GRIK4: variants seen among roughly 807,000 people sequenced by gnomAD.
The protein encoded by GRIK4 is glutamate receptor ionotropic, kainate 4.
A neutral mutation model predicts 104.9 loss-of-function variants in GRIK4; 40 were observed. The observed-to-expected ratio is 0.38, with a 90% confidence interval of 0.30 to 0.50. The LOEUF is 0.50. Ranked by LOEUF, GRIK4 falls within the 20% of genes least tolerant of loss-of-function variation. GRIK4 has a pLI of 0.93. For missense variants in GRIK4, 1,047 were observed against 1,308.1 expected (o/e 0.80, Z 3.08); for synonymous variants, 485 against 524.9 (o/e 0.92, Z 1.04).
chr11:120,533,517 A>G (rs1435893242), intron 1 of GRIK4, among the ~76,000 whole-genome samples: 1 of 152,188 alleles, frequency 6.6e-6, no homozygotes, highest in African/African-American at 2.4e-5. Context: ...CAAGGATGTT[A>G]CACCAGGGTT....
chr11:120,670,534 G>T (rs1208743650), intron 3 of GRIK4, among the ~76,000 whole-genome samples: 1 of 152,172 alleles, frequency 6.6e-6, no homozygotes, highest in Non-Finnish European at 1.5e-5. Flanking sequence ...CACCAAGTGT[G>T]CTCCTGCCCC....
intron 3 of GRIK4, among the ~76,000 whole-genome samples, chr11:120,696,788 G>C (rs571533521): frequency 1.4e-3 from 209 of 152,198 alleles, no homozygotes; most frequent in African/African-American, 4.6e-3. Context: ...ATTGCCAATG[G>C]GAGCGCCCCC....
intron 3 of GRIK4, among the ~76,000 whole-genome samples, chr11:120,680,391 T>C (rs10892609): frequency 0.46 from 69,758 of 152,078 alleles, 16,378 homozygotes; most frequent in East Asian, 0.55. Flanking sequence ...CCCGATGGCC[T>C]TTTCTATCTC....
At chr11:120,520,328 C>T (rs952312833) in intron 1 of GRIK4, among the ~76,000 whole-genome samples, 16 of 152,234 alleles carry the variant, frequency 1.1e-4, no homozygotes, top group African/African-American at 3.4e-4. Flanking sequence ...TGAGTGGTGG[C>T]GCCTCTATGC....
intron 19 of GRIK4, among the ~76,000 whole-genome samples, chr11:120,976,795 G>A (rs1944567693): frequency 7.2e-5 from 11 of 152,154 alleles, no homozygotes; most frequent in Admixed American, 5.2e-4. Context: ...TGGCTTTTGT[G>A]GCCTCTGCCT....
At chr11:120,566,782 C>G (rs907139128) in intron 1 of GRIK4, among the ~76,000 whole-genome samples, 2 of 149,938 alleles carry the variant, frequency 1.3e-5, no homozygotes, top group Non-Finnish European at 3.0e-5. Context: ...TGGCTCACTG[C>G]AAGCTCCACC....
intron 19 of GRIK4, among the ~76,000 whole-genome samples, chr11:120,981,340 T>A (rs1944648860): frequency 6.6e-6 from 1 of 152,222 alleles, no homozygotes; most frequent in African/African-American, 2.4e-5. Flanking sequence ...CCAGAAACAA[T>A]GTCTGACTCC....
intron 1 of GRIK4, among the ~76,000 whole-genome samples, chr11:120,547,059 T>G (rs1289332520): frequency 6.6e-6 from 1 of 152,190 alleles, no homozygotes; most frequent in Non-Finnish European, 1.5e-5. Flanking sequence ...CTGGCAGCGC[T>G]TCCTCCACAT....
intron 7 of GRIK4, among the ~76,000 whole-genome samples, chr11:120,836,232 C>G (rs571178852): frequency 1.3e-5 from 2 of 152,284 alleles, no homozygotes; most frequent in Non-Finnish European, 2.9e-5. Context: ...TTGCTTTTAT[C>G]TTTTCCATTA....
intron 13 of GRIK4, among the ~76,000 whole-genome samples, chr11:120,907,747 G>A (rs1039741223): frequency 6.6e-6 from 1 of 152,144 alleles, no homozygotes; most frequent in Non-Finnish European, 1.5e-5. Context: ...AGGAGAGTAG[G>A]ATGCACGGTG....
intron 1 of GRIK4, among the ~76,000 whole-genome samples, chr11:120,617,856 A>G (rs1591743033): frequency 6.6e-6 from 1 of 152,134 alleles, no homozygotes; most frequent in South Asian, 2.1e-4. Context: ...ATCTCTTTTC[A>G]TCATAAATTA....
chr11:120,527,851 C>T (rs768813787), intron 1 of GRIK4, among the ~76,000 whole-genome samples: 31 of 152,228 alleles, frequency 2.0e-4, no homozygotes, highest in East Asian at 7.7e-4. Flanking sequence ...TCTTTACCAG[C>T]GGAACCAGCC....
At chr11:120,918,915 C>T (rs1486786154) in intron 13 of GRIK4, among the ~76,000 whole-genome samples, 1 of 152,192 alleles carries the variant, frequency 6.6e-6, no homozygotes, top group Non-Finnish European at 1.5e-5. Context: ...TTCCTCTCCA[C>T]ATAACAATCT....
Position 120,588,143 on chromosome 11 carries a change from C to T in GRIK4, c.-158-65542C>T, listed in dbSNP as rs543147870. Among the ~76,000 whole-genome samples, 12 of 152,284 alleles carry T rather than the reference C, an allele frequency of 7.9e-5. No individual in the cohort carries two copies. In the East Asian group the frequency reaches 1.9e-3, roughly 25 times the overall value. ...GCACGAGACAGAGATGTCCAGAGCA[C>T]CTGTCTCTGCTGGTGTGTGGCTGGG... On this transcript the variant is annotated intron_variant, in intron 1 of 20. Coordinates refer to ENST00000527524, the MANE Select transcript of GRIK4 (RefSeq NM_014619.5).
intron 3 of GRIK4, among the ~76,000 whole-genome samples, chr11:120,798,157 CTTTTT>C (rs539833846): frequency 2.3e-4 from 16 of 68,116 alleles, no homozygotes; most frequent in African/African-American, 7.3e-4. Context: ...TCTGCTGTCT[CTTTTT>C]TTTTTTTTTT....
chr11:120,714,513 T>C (rs1022111770), intron 3 of GRIK4, among the ~76,000 whole-genome samples: 10 of 152,312 alleles, frequency 6.6e-5, no homozygotes, highest in African/African-American at 2.4e-4. Flanking sequence ...GGAACTTAAA[T>C]CTCGTGGAGG....
At chr11:120,650,718 G>A (rs756950946) in intron 1 of GRIK4, among the ~76,000 whole-genome samples, 5 of 152,212 alleles carry the variant, frequency 3.3e-5, no homozygotes, top group Non-Finnish European at 7.3e-5. Flanking sequence ...TACCTGCCAT[G>A]CAGTAGACAC....
chr11:120,598,648 T>C (rs553954294), intron 1 of GRIK4, among the ~76,000 whole-genome samples: 12 of 152,318 alleles, frequency 7.9e-5, no homozygotes, highest in African/African-American at 2.9e-4. Flanking sequence ...GGAACTGGGA[T>C]GGCCTCCCTC....
chr11:120,753,341 G>GTGTGCA (rs981387241), intron 3 of GRIK4, among the ~76,000 whole-genome samples: 4 of 146,254 alleles, frequency 2.7e-5, no homozygotes, highest in Admixed American at 2.7e-4. Flanking sequence ...GTGTGTGTGT[G>GTGTGCA]TGCAGGGTGG....
Sources: gnomAD v4.1 joint callset for allele counts (sites outside exome capture counted in the v4.1 genomes callset) on GRCh38, gnomAD v4.1.1 for gene constraint, MANE v1.5 for transcripts, NCBI Gene and HGNC (gene_info 2026-07-23, HGNC 2026-07-21) for gene names.